THBS3: variants seen among roughly 807,000 people sequenced by gnomAD.
THBS3 encodes the protein thrombospondin 3.
Under a neutral mutation model 118.3 loss-of-function variants are expected in THBS3, and 78 were observed. The observed-to-expected ratio is 0.66, with a 90% CI of 0.55 to 0.80. The LOEUF is 0.80. Among genes scored for constraint, THBS3 ranks in the 30% least tolerant of loss-of-function variants. The pLI, the probability that THBS3 is intolerant of heterozygous loss-of-function variation, is 0.00. For missense variants in THBS3, 1,057 were observed against 1,247.4 expected, an observed-to-expected ratio of 0.85 and a Z score of 2.30; for synonymous variants, 427 against 475.3, an observed-to-expected ratio of 0.90 and a Z score of 1.32.
chr1:155,206,050 T>C lies in THBS3; in HGVS notation c.286+150A>G, dbSNP rs2148026292. On this transcript the variant is annotated intron_variant, in intron 2 of 22. Transcript: ENST00000368378. This position sits in a 1 kb window ranked among gnomAD's most constrained non-coding sequence, Gnocchi z 4.2. ...CCTAAAGCACCTTATAAGCACCCCA[T>C]ACCAGGTGCCCCTGATGTCTGGGCA... 1.2e-6 allele frequency: 1 copy of C among 840,416 alleles called. No individual in the cohort carries two copies. The allele number at this position is 840,416 out of a possible 1,614,324, so 52.1% of individuals were successfully genotyped here. A position where few individuals can be genotyped will look rare whatever the true frequency, so the allele number is the denominator to read the frequency against.
chr1:155,199,750 G>C lies in THBS3; in HGVS notation c.1880+54C>G, dbSNP rs371870279. The C allele has an allele frequency of 1.4e-5, 23 of 1,599,570 alleles. 1 individual carries two copies. The South Asian group carries it at 2.1e-4, about 15-fold the overall frequency. On this transcript the variant is annotated intron_variant, in intron 16 of 22. Transcript: ENST00000368378. ...AGCCTAGGTGACAGAGCAAGACTCC[G>C]TCTCAGAAAGACAAAAAAAAGAAAG...
chr1:155,198,337 C>T, intron 17 of THBS3, 72 bp downstream of exon 17: 1 of 1,588,584 alleles, frequency 6.3e-7, no homozygotes, highest in Non-Finnish European at 8.6e-7. Flanking sequence ...TCCTCACTTC[C>T]CAACAGGGCT....
Position 155,203,215 on chromosome 1 carries a change from A to T in THBS3, c.756+8T>A, listed in dbSNP as rs1670055469. ...AATCAGTGCCACCCTTCGCCAGCCCACCCAAACCTGGTCTCGTATATCATC... is the reference window on the plus strand; with the variant it reads ...AATCAGTGCCACCCTTCGCCAGCCCTCCCAAACCTGGTCTCGTATATCATC... On this transcript the variant is annotated splice_region_variant and intron_variant, in intron 6 of 22. Transcript: ENST00000368378. 1 of 1,614,010 alleles carries T rather than the reference A, an allele frequency of 6.2e-7. No individual in the cohort carries two copies. Among genetic ancestry groups the T allele is most frequent in the African/African-American group, 1.3e-5 (1 of 74,910 alleles).
Position 155,197,159 on chromosome 1 carries a change from T to C in THBS3, c.2554A>G (p.Thr852Ala). 6.2e-7 allele frequency: 1 copy of C among 1,614,148 alleles called. No individual in the cohort carries two copies. The highest frequency in any genetic ancestry group is 8.5e-7 in the Non-Finnish European group (1 of 1,180,012). Residue 852 changes from threonine to alanine, a missense_variant, in exon 21 of 23, where the codon ACT becomes GCT. By Grantham distance (58) the Thr-to-Ala change is moderately conservative. This residue lies in a region of THBS3 where 307 missense variants were observed against 326.1 expected (regional missense o/e 0.94). Transcript: ENST00000368378. This position sits in a 1 kb window ranked among gnomAD's most constrained non-coding sequence, Gnocchi z 5.0. ...CGTACCTGATCAGGGGTGTGGCCAG[T>C]ATGCCACAGGGCATTTCGGAGGTGC... ...GEHLRNALWHTGHTPDQVRLL... is the reference protein window; with the variant it reads ...GEHLRNALWHAGHTPDQVRLL...
rs762249052 is a variant in THBS3 at position 155,202,449 on chromosome 1, T to C, written c.958-48A>G. The C allele has an allele frequency of 6.2e-7, 1 of 1,600,864 alleles. No individual in the cohort carries two copies. The highest frequency in any genetic ancestry group is 1.1e-5 in the South Asian group (1 of 89,412). On this transcript the variant is annotated intron_variant, in intron 8 of 22. Coordinates refer to ENST00000368378, the MANE Select transcript of THBS3 (RefSeq NM_007112.5). The surrounding 1 kb of genome is among the most constrained non-coding windows in gnomAD (Gnocchi z 5.5). ...GAGGTCAGGCCGCCCTCTGGGAAAC[T>C]CAGGTCCCTGCCTGTGATCCAGGAA...
rs1024993199 is a variant in THBS3 at position 155,195,699 on chromosome 1, C to T, written c.*142G>A. On this transcript the variant is annotated 3_prime_UTR_variant, in exon 23 of 23. Transcript: ENST00000368378. ...CCCCTGAAGGGTGGGGTGACCACCC[C>T]TCTGGGACTGAACTCCTTTTGGGAG... 58 of 878,446 alleles carry T rather than the reference C, an allele frequency of 6.6e-5. No homozygotes were observed. The highest frequency in any genetic ancestry group is 1.0e-4 in the Non-Finnish European group (56 of 560,330). The allele number at this position is 878,446 out of a possible 1,614,324, so 54.4% of individuals were successfully genotyped here.
upstream of THBS3, chr1:155,208,720 T>A: frequency 1.2e-4 from 91 of 742,894 alleles, no homozygotes; most frequent in Non-Finnish European, 1.4e-4. Flanking sequence ...CGGCCTCCGC[T>A]CCGGCCGCCG....
Position 155,206,167 on chromosome 1 carries a change from A to G in THBS3, c.286+33T>C, listed in dbSNP as rs1670514842. On this transcript the variant is annotated intron_variant, in intron 2 of 22. Coordinates refer to ENST00000368378, the MANE Select transcript of THBS3 (RefSeq NM_007112.5). The surrounding 1 kb of genome is among the most constrained non-coding windows in gnomAD (Gnocchi z 4.2). ...ATGAGGGAGAGTGCTTAAGGAGGTC[A>G]CCATTGCAAGAAAGGAGATGCCCAC... 6.2e-7 allele frequency: 1 copy of G among 1,610,308 alleles called. No homozygotes were observed. Among genetic ancestry groups the G allele is most frequent in the South Asian group, 1.1e-5 (1 of 90,934 alleles).
chr1:155,196,942 G>T, intron 21 of THBS3, 99 bp downstream of exon 21: 2 of 1,192,252 alleles, frequency 1.7e-6, no homozygotes, highest in Non-Finnish European at 1.2e-6. Context: ...AGAAGTGGCT[G>T]CAGTTCCCAC....
At position 155,202,143 on chromosome 1, in the gene THBS3, CA is replaced by C; in HGVS notation, c.1099-110del. 6.2e-7 allele frequency: 1 copy of C among 1,600,626 alleles called. No homozygotes were observed. The highest frequency in any genetic ancestry group is 8.5e-7 in the Non-Finnish European group (1 of 1,171,666). ...TGAACATCAACATTAAGCCCAGACC[CA>C]AAGCCGATGCAAAGCCATCCATGTC... On this transcript the variant is annotated intron_variant, in intron 9 of 22. Coordinates refer to ENST00000368378, the MANE Select transcript of THBS3 (RefSeq NM_007112.5). The surrounding 1 kb of genome is among the most constrained non-coding windows in gnomAD (Gnocchi z 5.5).
chr1:155,201,443 C>A lies in THBS3; in HGVS notation c.1303G>T (p.Glu435Ter). Residue 435 changes from glutamate to a stop codon, truncating the protein, a stop_gained, in exon 11 of 23, where the codon GAA (glutamate) becomes TAA (stop). Coordinates refer to ENST00000368378, the MANE Select transcript of THBS3 (RefSeq NM_007112.5). LOFTEE classifies it high-confidence loss of function. ...TGGCAGGACACTGCACCATTGCGTTCAAAGAGACAGTGAGCATGGATGTGG... is the reference window on the plus strand; with the variant it reads ...TGGCAGGACACTGCACCATTGCGTTAAAAGAGACAGTGAGCATGGATGTGG... Reference protein sequence around the residue: ...PCHIHAHCLFERNGAVSCQCN... With the variant: ...PCHIHAHCLF 1 of 1,611,354 alleles carries A rather than the reference C, an allele frequency of 6.2e-7. No homozygotes were observed. Among genetic ancestry groups the A allele is most frequent in the South Asian group, 1.1e-5 (1 of 90,672 alleles).
intron 4 of THBS3, 116 bp downstream of exon 4, chr1:155,204,739 T>G: frequency 1.0e-6 from 1 of 959,124 alleles, no homozygotes; most frequent in Non-Finnish European, 1.7e-6. Flanking sequence ...TTAGAAACCC[T>G]AGGAACAGGT....
At chr1:155,203,326 A>AG in intron 5 of THBS3, 21 bp from the exon 6 acceptor site, 2 of 1,613,122 alleles carry the variant, frequency 1.2e-6, no homozygotes, top group Non-Finnish European at 8.5e-7. Flanking sequence ...CCAGGGTGTG[A>AG]GGGGTTCAGT....
chr1:155,204,914 G>A lies in THBS3; in HGVS notation c.587C>T (p.Ala196Val), dbSNP rs1348970358. The A allele has an allele frequency of 6.2e-7, 1 of 1,613,820 alleles. No homozygotes were observed. The highest frequency in any genetic ancestry group is 8.5e-7 in the Non-Finnish European group (1 of 1,180,026). ...ACACTCACTCAGGGCTCCTACCCGGGCCATGGACCCACCCAGAATAATTTT... is the reference window on the plus strand; with the variant it reads ...ACACTCACTCAGGGCTCCTACCCGGACCATGGACCCACCCAGAATAATTTT... ...SMKIILGGSM[A>V]RVGALSECPF... The change falls in exon 4 of 23, where the codon GCC becomes GTC. Residue 196 changes from alanine (A) to valine (V), a missense_variant. Physicochemically the swap from Ala to Val is moderately conservative, Grantham distance 64. Transcript: ENST00000368378.
At chr1:155,205,348 A>C (rs760671275) in intron 2 of THBS3, 32 bp from the exon 3 acceptor site, 25 of 1,600,290 alleles carry the variant, frequency 1.6e-5, no homozygotes, top group Non-Finnish European at 2.1e-5. Flanking sequence ...TATGGGCGCT[A>C]TCCCCCACCC....
At position 155,202,487 on chromosome 1, in the gene THBS3, G is replaced by C; in HGVS notation, c.958-86C>G. On this transcript the variant is annotated intron_variant, in intron 8 of 22. Transcript: ENST00000368378. This position sits in a 1 kb window ranked among gnomAD's most constrained non-coding sequence, Gnocchi z 5.5. ...TGTGATCCAGGAACCATTGCTCCAG[G>C]TCTCCCCTTTGTGCAGCTCTCCCCA... 1 of 1,552,712 alleles carries C rather than the reference G, an allele frequency of 6.4e-7. No individual in the cohort carries two copies. The highest frequency in any genetic ancestry group is 8.7e-7 in the Non-Finnish European group (1 of 1,149,018).
upstream of THBS3, chr1:155,209,096 T>C: frequency 6.5e-7 from 1 of 1,543,012 alleles, no homozygotes; most frequent in Middle Eastern, 1.9e-4. Flanking sequence ...CCCCCGCAGT[T>C]CAGCTGCCAG....
At chr1:155,201,786 G>C (rs1669768244) in intron 10 of THBS3, 171 bp downstream of exon 10, 1 of 1,057,496 alleles carries the variant, frequency 9.5e-7, no homozygotes, top group Non-Finnish European at 1.4e-6. Context: ...ACCTGCTAAA[G>C]AGCTAGCAAG....
At chr1:155,207,742 T>C in intron 1 of THBS3, 56 bp downstream of exon 1, 1 of 1,581,782 alleles carries the variant, frequency 6.3e-7, no homozygotes, top group East Asian at 2.2e-5. Flanking sequence ...CTACTTGGGC[T>C]GAGGGCAAAT....
Sources: allele counts gnomAD v4.1 joint callset, GRCh38; gene constraint gnomAD v4.1.1; regional missense constraint gnomAD v4.1.1; non-coding constraint Gnocchi (gnomAD v3.1); transcripts MANE v1.5; gene names NCBI Gene and HGNC (gene_info 2026-07-23, HGNC 2026-07-21).